The following KNTC1 variants were observed in gnomAD, a reference collection of about 807,000 sequenced individuals.
The protein encoded by KNTC1 is kinetochore-associated protein 1.
KNTC1 carries 253 observed loss-of-function variants against 314.4 expected under a neutral mutation model. The ratio of observed to expected loss-of-function variants is 0.80; its 90% CI spans 0.73 to 0.89. The LOEUF is 0.89. KNTC1 is among the 40% of genes least tolerant of loss of function. KNTC1 has a pLI of 0.00. For synonymous variants in KNTC1, 901 were observed against 901.4 expected (o/e 1.00, Z 0.01); for missense variants, 2,475 against 2,572.9 (o/e 0.96, Z 0.82).
intron 3 of KNTC1, among the ~76,000 whole-genome samples, chr12:122,535,107 G>A (rs1004548947): frequency 4.6e-5 from 7 of 152,108 alleles, no homozygotes; most frequent in Non-Finnish European, 2.9e-5. Context: ...ACAGAATTTC[G>A]GTATCATTAA....
intron 20 of KNTC1, among the ~76,000 whole-genome samples, chr12:122,565,513 TTA>T (rs1964271300): frequency 1.6e-5 from 2 of 128,888 alleles, no homozygotes; most frequent in Non-Finnish European, 1.7e-5. Context: ...TTTGTTATTA[TTA>T]TTTTTTTTTT....
At chr12:122,531,729 T>G (rs570720151) in intron 2 of KNTC1, among the ~76,000 whole-genome samples, 187 of 152,224 alleles carry the variant, frequency 1.2e-3, no homozygotes, top group Non-Finnish European at 2.0e-3. Context: ...CGTCTATTTT[T>G]TAGTATTTTT....
chr12:122,625,144 C>T (rs1395433448), intron 63 of KNTC1, among the ~76,000 whole-genome samples: 1 of 152,178 alleles, frequency 6.6e-6, no homozygotes, highest in Non-Finnish European at 1.5e-5. Context: ...GTGGCTCACA[C>T]CTGTAATCCC....
intron 10 of KNTC1, 67 bp downstream of exon 10, chr12:122,546,741 C>T: frequency 1.9e-6 from 2 of 1,061,370 alleles, no homozygotes; most frequent in South Asian, 1.4e-5. Context: ...GTCAGACTTA[C>T]AAAGGCAAGG....
chr12:122,554,312 C>A (rs977543179), intron 16 of KNTC1, among the ~76,000 whole-genome samples: 4 of 151,624 alleles, frequency 2.6e-5, no homozygotes, highest in Admixed American at 1.3e-4. Flanking sequence ...AAACTCCTGA[C>A]CTCAAGTGAT....
At chr12:122,591,682 G>A (rs1870224317) in intron 42 of KNTC1, among the ~76,000 whole-genome samples, 2 of 151,812 alleles carry the variant, frequency 1.3e-5, no homozygotes, top group South Asian at 4.2e-4. Context: ...ATTTTCAGCT[G>A]CTTAACTTTC....
intron 26 of KNTC1, among the ~76,000 whole-genome samples, chr12:122,573,615 A>C (rs1266272913): frequency 6.6e-6 from 1 of 152,070 alleles, no homozygotes; most frequent in Non-Finnish European, 1.5e-5. Flanking sequence ...GGTTTTATAT[A>C]TTTTAGGGAG....
chr12:122,568,064 C>T (rs910877586), intron 20 of KNTC1, among the ~76,000 whole-genome samples, 197 bp from the exon 21 acceptor site: 2 of 152,000 alleles, frequency 1.3e-5, no homozygotes, highest in African/African-American at 2.4e-5. Flanking sequence ...AGGAAGATGT[C>T]GGGAGTTCTA....
chr12:122,613,443 A>G, intron 54 of KNTC1, 183 bp from the exon 55 acceptor site: 1 of 660,236 alleles, frequency 1.5e-6, no homozygotes, highest in Non-Finnish European at 2.5e-6. Context: ...TAGAAACTGA[A>G]TGTTTTATTT....
chr12:122,609,460 A>G (rs746015727), intron 52 of KNTC1, 30 bp downstream of exon 52: 2 of 1,374,218 alleles, frequency 1.5e-6, no homozygotes, highest in East Asian at 2.3e-5. Flanking sequence ...ATATTCACCT[A>G]TATCGTGATG....
At chr12:122,578,075 TA>T (rs1965150036) in intron 31 of KNTC1, among the ~76,000 whole-genome samples, 1 of 152,206 alleles carries the variant, frequency 6.6e-6, no homozygotes, top group Non-Finnish European at 1.5e-5. Flanking sequence ...CGTTGCAATA[TA>T]AACAATGTTT....
At chr12:122,576,870 GA>G (rs750568662) in intron 29 of KNTC1, 24 bp from the exon 30 acceptor site, 1 of 1,518,948 alleles carries the variant, frequency 6.6e-7, no homozygotes, top group East Asian at 2.4e-5. Context: ...CTATAACAAA[GA>G]AATGTTCATA....
At chr12:122,610,800 G>A (rs1873031114) in intron 52 of KNTC1, 22 bp from the exon 53 acceptor site, 4 of 1,503,834 alleles carry the variant, frequency 2.7e-6, no homozygotes, top group South Asian at 2.3e-5. Context: ...AAAAATGACT[G>A]TAATTAAAAT....
intron 6 of KNTC1, 65 bp downstream of exon 6, chr12:122,542,192 T>C (rs1731218359): frequency 2.6e-6 from 3 of 1,140,660 alleles, no homozygotes; most frequent in South Asian, 1.5e-5. Context: ...ATTAATGTAA[T>C]AGTAAAATTT....
intron 44 of KNTC1, among the ~76,000 whole-genome samples, chr12:122,599,163 C>G (rs1871479243): frequency 6.6e-6 from 1 of 151,050 alleles, no homozygotes; most frequent in African/African-American, 2.4e-5. Context: ...AAGGGGGTCT[C>G]ACTATATTGC....
intron 3 of KNTC1, among the ~76,000 whole-genome samples, chr12:122,537,763 G>A (rs1961957838): frequency 6.6e-6 from 1 of 152,010 alleles, no homozygotes; most frequent in African/African-American, 2.4e-5. Flanking sequence ...TGTGACGGTG[G>A]TAATCTTTTG....
At position 122,547,539 on chromosome 12, in the gene KNTC1, T is replaced by TG; in HGVS notation, c.932+10dup. On this transcript the variant is annotated intron_variant, in intron 11 of 63. Coordinates refer to ENST00000333479, the MANE Select transcript of KNTC1 (RefSeq NM_014708.6). ...CCTTCATCAGTCACGTGGTATGTTA[T>TG]GACTATGGCTAGTAGTCATTTCCCT... 1 of 1,507,894 alleles carries TG rather than the reference T, an allele frequency of 6.6e-7. No homozygotes were observed. Among genetic ancestry groups the TG allele is most frequent in the Non-Finnish European group, 9.2e-7 (1 of 1,085,464 alleles). 93.4% of individuals were successfully genotyped at this position (1,507,894 alleles called of 1,614,324 possible). A position where few individuals can be genotyped will look rare whatever the true frequency, so the allele number is the denominator to read the frequency against.
chr12:122,565,392 T>C (rs111555507), intron 20 of KNTC1, among the ~76,000 whole-genome samples: 11,485 of 151,982 alleles, frequency 0.076, 564 homozygotes, highest in Middle Eastern at 0.13. Flanking sequence ...AGTGCTGGGA[T>C]TACTGGCATG....
At chr12:122,616,550 C>T (rs969503204) in intron 57 of KNTC1, among the ~76,000 whole-genome samples, 2 of 152,078 alleles carry the variant, frequency 1.3e-5, no homozygotes, top group Non-Finnish European at 2.9e-5. Context: ...TGTGAGCCAC[C>T]GCACCCGGCC....
Sources: gnomAD v4.1 joint callset for allele counts (sites outside exome capture counted in the v4.1 genomes callset) on GRCh38, gnomAD v4.1.1 for gene constraint, MANE v1.5 for transcripts, NCBI Gene and HGNC (gene_info 2026-07-23, HGNC 2026-07-21) for gene names.